CASP8: variants seen among roughly 807,000 people sequenced by gnomAD.
CASP8 encodes the protein caspase-8.
A neutral mutation model predicts 46.3 loss-of-function variants in CASP8; 24 were observed. The observed-to-expected ratio is 0.52, with a 90% CI of 0.38 to 0.73. The LOEUF is 0.73. Among genes scored for constraint, CASP8 ranks in the 30% least tolerant of loss-of-function variants. The probability of loss-of-function intolerance (pLI) is 0.00; values close to 1 mark genes in which losing one functional copy is unlikely to be tolerated. For missense variants in CASP8, 460 were observed against 559.0 expected (o/e 0.82, Z 1.79); for synonymous variants, 188 against 200.4 (o/e 0.94, Z 0.52).
intron 2 of CASP8, among the ~76,000 whole-genome samples, chr2:201,244,125 A>T (rs1392857360): frequency 6.6e-6 from 1 of 152,210 alleles, no homozygotes; most frequent in East Asian, 1.9e-4. Flanking sequence ...CCAGGTTATT[A>T]GTCTGCAGTT....
At chr2:201,234,609 C>T (rs955191170) in intron 2 of CASP8, among the ~76,000 whole-genome samples, 3 of 150,874 alleles carry the variant, frequency 2.0e-5, no homozygotes, top group African/African-American at 7.4e-5. Context: ...GCTTCCATGC[C>T]TGGCTAATTT....
chr2:201,274,785 C>T (rs1050086805), intron 5 of CASP8, 104 bp from the exon 6 acceptor site: 5 of 940,820 alleles, frequency 5.3e-6, no homozygotes, highest in Non-Finnish European at 8.5e-6. Context: ...CTTGAATTTT[C>T]ATCTTAAAAA....
At chr2:201,256,301 C>T (rs1428983085), upstream of CASP8, among the ~76,000 whole-genome samples, 1 of 152,252 alleles carries the variant, frequency 6.6e-6, no homozygotes, top group Non-Finnish European at 1.5e-5. Context: ...CACTCACTGA[C>T]TGAGCGTGGC....
chr2:201,285,203 C>G lies in CASP8; in HGVS notation c.1190C>G (p.Ala397Gly), dbSNP rs2125488513. 1 of 1,614,210 alleles carries G rather than the reference C, an allele frequency of 6.2e-7. No individual in the cohort carries two copies. The highest frequency in any genetic ancestry group is 2.2e-5 in the East Asian group (1 of 44,888). Residue 397 changes from alanine (A) to glycine (G), a missense_variant, in exon 8 of 9, where the codon GCT (alanine) becomes GGT (glycine). By Grantham distance (60) the Ala-to-Gly change is moderately conservative (BLOSUM62 0). Coordinates refer to ENST00000673742, the MANE Select transcript of CASP8 (RefSeq NM_001372051.1). ...CAAACGAGATATATCCCGGATGAGG[C>G]TGACTTTCTGCTGGGGATGGCCACT... ...SPQTRYIPDE[A>G]DFLLGMATVN...
intron 2 of CASP8, among the ~76,000 whole-genome samples, chr2:201,237,366 C>T (rs1327272742): frequency 1.4e-5 from 2 of 146,582 alleles, no homozygotes; most frequent in African/African-American, 5.1e-5. Context: ...GCTGGGATTA[C>T]AGGCGTGAGC....
intron 1 of CASP8, chr2:201,262,199 G>C (rs555367769): frequency 1.3e-5 from 2 of 152,122 alleles, no homozygotes; most frequent in South Asian, 4.1e-4. Flanking sequence ...TCTGGCTGTG[G>C]CTCTCTCTCT....
At position 201,286,532 on chromosome 2, in the gene CASP8, G is replaced by T. The variant is rs1345153934; in HGVS notation, c.1378G>T (p.Gly460Trp). 5.0e-6 allele frequency: 8 copies of T among 1,613,850 alleles called. No homozygotes were observed. Among genetic ancestry groups the T allele is most frequent in the Non-Finnish European group, 6.8e-6 (8 of 1,179,880 alleles). The change falls in exon 9 of 9, where the codon GGG (glycine) becomes TGG (tryptophan). Residue 460 changes from glycine (G) to tryptophan (W), a missense_variant. Transcript: ENST00000673742. ...CAACAAGGATGACAAGAAAAACATG[G>T]GGAAACAGATGCCTCAGCCTACTTT... is the stretch of plus-strand genomic sequence containing the variant. ...VSNKDDKKNM[G>W]KQMPQPTFTL...
chr2:201,258,779 C>T (rs564783947), upstream of CASP8, among the ~76,000 whole-genome samples: 6 of 151,776 alleles, frequency 4.0e-5, no homozygotes, highest in African/African-American at 1.5e-4. Flanking sequence ...TGTCGAATCA[C>T]GATGCCCTGA....
At chr2:201,284,687 AGGGAGACGG>A (rs1949448728) in intron 7 of CASP8, 120 bp from the exon 8 acceptor site, 1 of 720,630 alleles carries the variant, frequency 1.4e-6, no homozygotes, top group Non-Finnish European at 2.5e-6. Flanking sequence ...GGAGAGGGAG[AGGGAGACGG>A]GGAGAGGGAG....
chr2:201,270,555 A>G (rs1559355281), intron 2 of CASP8, among the ~76,000 whole-genome samples: 1 of 152,166 alleles, frequency 6.6e-6, no homozygotes, highest in Non-Finnish European at 1.5e-5. Flanking sequence ...TTCTAAACAG[A>G]CAATTATTTT....
intron 1 of CASP8, among the ~76,000 whole-genome samples, chr2:201,261,005 C>G (rs1947348010): frequency 6.6e-6 from 1 of 152,080 alleles, no homozygotes; most frequent in African/African-American, 2.4e-5. Context: ...ACACACATAC[C>G]CACCAACATA....
intron 2 of CASP8, chr2:201,242,478 A>T (rs1193305572): frequency 6.6e-6 from 1 of 152,178 alleles, no homozygotes; most frequent in Non-Finnish European, 1.5e-5. Flanking sequence ...TTTATAAGGC[A>T]CTAGTCCCAT....
intron 2 of CASP8, among the ~76,000 whole-genome samples, chr2:201,247,255 T>C (rs1221248482): frequency 6.6e-6 from 1 of 150,696 alleles, no homozygotes; most frequent in Non-Finnish European, 1.5e-5. Context: ...TCTAGAATTA[T>C]CTAGGCTGTT....
At chr2:201,277,225 G>A in intron 7 of CASP8, 1 of 312,238 alleles carries the variant, frequency 3.2e-6, no homozygotes, top group Non-Finnish European at 6.0e-6. Flanking sequence ...ATAATGAAAA[G>A]CAGTAATAAG....
At chr2:201,241,227 A>G (rs1256469895) in intron 2 of CASP8, 2 of 152,206 alleles carry the variant, frequency 1.3e-5, no homozygotes, top group African/African-American at 4.8e-5. Flanking sequence ...TAGAAAAGCA[A>G]TAGAAAAAAA....
intron 7 of CASP8, among the ~76,000 whole-genome samples, chr2:201,283,097 A>AC (rs1199626215): frequency 1.3e-4 from 5 of 39,968 alleles, no homozygotes; most frequent in Non-Finnish European, 2.4e-4. Flanking sequence ...CGGGGGGCTG[A>AC]CCCCCCCACC....
At chr2:201,263,532 T>C (rs951085862) in intron 1 of CASP8, among the ~76,000 whole-genome samples, 3 of 152,230 alleles carry the variant, frequency 2.0e-5, no homozygotes, top group Admixed American at 6.5e-5. Flanking sequence ...AGTAAAATAT[T>C]ACTGGGCATT....
chr2:201,260,726 G>C (rs925803567), intron 1 of CASP8, 113 bp downstream of exon 1: 1 of 177,450 alleles, frequency 5.6e-6, no homozygotes, highest in African/African-American at 2.4e-5. Context: ...GGGCCATGGA[G>C]GTGATCCTCG....
In CASP8 at chr2:201,286,636, G is replaced by A. The variant is rs2125513767; in HGVS notation, c.*42G>A. ...GTTTTGTTTTGTTTTGTTTTTTTGA[G>A]ACAGAATCTCGCTCTGTCGCCCAGG... On this transcript the variant is annotated 3_prime_UTR_variant, in exon 9 of 9. Coordinates refer to ENST00000673742, the MANE Select transcript of CASP8 (RefSeq NM_001372051.1). 6.4e-7 allele frequency: 1 copy of A among 1,569,288 alleles called. No homozygotes were observed.
Sources: allele counts gnomAD v4.1 joint callset (sites outside exome capture counted in the v4.1 genomes callset), GRCh38; gene constraint gnomAD v4.1.1; transcripts MANE v1.5; gene names NCBI Gene and HGNC (gene_info 2026-07-23, HGNC 2026-07-21).